EPHA7: variants seen among roughly 807,000 people sequenced by gnomAD.
EPHA7 encodes the protein ephrin type-A receptor 7.
In EPHA7, 25 loss-of-function variants were observed where a neutral mutation model predicts 112.6. The ratio of observed to expected loss-of-function variants is 0.22; its 90% confidence interval spans 0.16 to 0.31. The LOEUF (loss-of-function observed/expected upper bound fraction) is 0.31. EPHA7 is among the 10% of genes least tolerant of loss of function. EPHA7 has a pLI of 1.00. For synonymous variants in EPHA7, 437 were observed against 406.5 expected (o/e 1.07, Z -0.90); for missense variants, 962 against 1,212.6 (o/e 0.79, Z 3.07).
At chr6:93,414,496 G>GGTTT (rs145344265) in intron 2 of EPHA7, among the ~76,000 whole-genome samples, 5,524 of 151,828 alleles carry the variant, frequency 0.036, 325 homozygotes, top group African/African-American at 0.13. Flanking sequence ...ATGGCTATGA[G>GGTTT]GTTTTTTTTC....
In EPHA7 at chr6:93,381,484, G is replaced by A. The variant is rs181050960; in HGVS notation, c.833-23073C>T. On this transcript the variant is annotated intron_variant, in intron 3 of 16. Transcript: ENST00000369303. ...TTAAAATATGGCCCTTAAAAACTAGGATTTTTTGAGTTATTCTATAGACCA... is the reference window on the plus strand; with the variant it reads ...TTAAAATATGGCCCTTAAAAACTAGAATTTTTTGAGTTATTCTATAGACCA... Among the ~76,000 whole-genome samples the A allele has an allele frequency of 6.6e-5, 10 of 152,126 alleles. No individual in the cohort carries two copies. In the East Asian group the frequency reaches 1.7e-3, roughly 26 times the overall value.
intron 5 of EPHA7, among the ~76,000 whole-genome samples, chr6:93,356,233 A>T (rs1775938027): frequency 6.7e-6 from 1 of 150,260 alleles, no homozygotes. Flanking sequence ...CAGAGACAAG[A>T]GTCTTAGTCT....
chr6:93,337,551 A>G (rs950225627), intron 5 of EPHA7, among the ~76,000 whole-genome samples: 6 of 152,162 alleles, frequency 3.9e-5, no homozygotes, highest in Non-Finnish European at 7.3e-5. Context: ...TCAAACAACT[A>G]CTTTAAAAGA....
At chr6:93,306,534 T>C (rs1008547317) in intron 5 of EPHA7, among the ~76,000 whole-genome samples, 3 of 151,940 alleles carry the variant, frequency 2.0e-5, no homozygotes, top group African/African-American at 4.8e-5. Flanking sequence ...AACAAAGACC[T>C]AAATAAAGCT....
intron 3 of EPHA7, among the ~76,000 whole-genome samples, chr6:93,406,479 T>A (rs1011736862): frequency 1.4e-4 from 22 of 151,872 alleles, no homozygotes; most frequent in African/African-American, 5.3e-4. Context: ...CTGGGTAAAG[T>A]CCAGAACAAA....
intron 5 of EPHA7, among the ~76,000 whole-genome samples, chr6:93,345,370 T>A (rs1775350479): frequency 6.6e-6 from 1 of 151,762 alleles, no homozygotes; most frequent in African/African-American, 2.4e-5. Context: ...TTTAAAGCTA[T>A]GCTAATTGTT....
intron 5 of EPHA7, among the ~76,000 whole-genome samples, chr6:93,301,782 C>T (rs1026281540): frequency 2.7e-4 from 41 of 152,252 alleles, no homozygotes; most frequent in African/African-American, 9.6e-4. Context: ...AATAATCCCT[C>T]CATGTCTTTT....
chr6:93,315,940 A>G (rs1299430506), intron 5 of EPHA7, among the ~76,000 whole-genome samples: 1 of 152,188 alleles, frequency 6.6e-6, no homozygotes. Flanking sequence ...CCTAAACTAT[A>G]TAGATGGAAA....
At chr6:93,243,973 A>G (rs948716099) in intron 16 of EPHA7, among the ~76,000 whole-genome samples, 4 of 152,180 alleles carry the variant, frequency 2.6e-5, no homozygotes, top group Non-Finnish European at 5.9e-5. Context: ...GAACTCATCA[A>G]TGACCATGTA....
chr6:93,256,332 T>C (rs1048727694), intron 12 of EPHA7, among the ~76,000 whole-genome samples: 1 of 152,028 alleles, frequency 6.6e-6, no homozygotes, highest in Non-Finnish European at 1.5e-5. Flanking sequence ...AGTTTGGAAA[T>C]AGAGTATCTA....
intron 5 of EPHA7, among the ~76,000 whole-genome samples, chr6:93,275,860 T>C (rs1158361031): frequency 6.6e-6 from 1 of 152,048 alleles, no homozygotes; most frequent in African/African-American, 2.4e-5. Context: ...AGCACTCATA[T>C]GTGATCTTTG....
At chr6:93,418,683 G>C (rs1440888522) in intron 1 of EPHA7, among the ~76,000 whole-genome samples, 1 of 152,186 alleles carries the variant, frequency 6.6e-6, no homozygotes, top group East Asian at 1.9e-4. Context: ...CCAACCGCAG[G>C]ACCGCGCCGC....
At chr6:93,314,793 A>C (rs529920741) in intron 5 of EPHA7, among the ~76,000 whole-genome samples, 1 of 152,004 alleles carries the variant, frequency 6.6e-6, no homozygotes, top group Non-Finnish European at 1.5e-5. Context: ...TAAAAATGTT[A>C]AGTCACTATG....
At chr6:93,383,234 T>A (rs1252568169) in intron 3 of EPHA7, among the ~76,000 whole-genome samples, 1 of 150,954 alleles carries the variant, frequency 6.6e-6, no homozygotes, top group Non-Finnish European at 1.5e-5. Flanking sequence ...TACATATATA[T>A]AAAATATACA....
chr6:93,254,269 C>T (rs746537187), intron 14 of EPHA7, among the ~76,000 whole-genome samples: 1 of 151,996 alleles, frequency 6.6e-6, no homozygotes, highest in Non-Finnish European at 1.5e-5. Flanking sequence ...AGATAAGCTT[C>T]AAAGACAAAA....
At chr6:93,371,142 C>T (rs111617641) in intron 3 of EPHA7, among the ~76,000 whole-genome samples, 84 of 150,314 alleles carry the variant, frequency 5.6e-4, no homozygotes, top group Non-Finnish European at 1.1e-3. Context: ...CCAGCCTGGG[C>T]GACAGAGTGA....
At chr6:93,342,461 C>A (rs925460040) in intron 5 of EPHA7, among the ~76,000 whole-genome samples, 1 of 151,694 alleles carries the variant, frequency 6.6e-6, no homozygotes, top group Non-Finnish European at 1.5e-5. Flanking sequence ...AGATTGCAAC[C>A]ATAAAAAATG....
intron 3 of EPHA7, among the ~76,000 whole-genome samples, chr6:93,359,787 T>A (rs542279639): frequency 1.3e-5 from 2 of 151,926 alleles, no homozygotes; most frequent in Admixed American, 6.6e-5. Flanking sequence ...AGGTATTTTA[T>A]ATAATTTAAA....
chr6:93,254,749 G>C lies in EPHA7; in HGVS notation c.2430C>G (p.Tyr810Ter). Reference sequence around the variant, plus strand: ...CATCACTGGCTGATGTGAATTTCCGGTACTGGATGGCTTCGGGTGCTGTCC... The same window carrying C: ...CATCACTGGCTGATGTGAATTTCCGCTACTGGATGGCTTCGGGTGCTGTCC... ...VRWTAPEAIQ[Y>*]RKFTSASDVW... is the part of the protein sequence containing the mutation. Residue 810 changes from tyrosine (Y) to a stop codon, truncating the protein, a stop_gained, in exon 14 of 17, where the codon TAC (tyrosine) becomes TAG (stop). Coordinates refer to ENST00000369303, the MANE Select transcript of EPHA7 (RefSeq NM_004440.4). LOFTEE classifies it high-confidence loss of function. The C allele has an allele frequency of 6.2e-7, 1 of 1,613,028 alleles. No individual in the cohort carries two copies. Among genetic ancestry groups the C allele is most frequent in the Non-Finnish European group, 8.5e-7 (1 of 1,179,386 alleles).
Sources: gnomAD v4.1 joint callset for allele counts (sites outside exome capture counted in the v4.1 genomes callset) on GRCh38, gnomAD v4.1.1 for gene constraint, MANE v1.5 for transcripts, NCBI Gene and HGNC (gene_info 2026-07-23, HGNC 2026-07-21) for gene names.